ALS2CL: variants seen among roughly 807,000 people sequenced by gnomAD.
The protein encoded by ALS2CL is ALS2 C-terminal like, also known as ALS2 C-terminal-like protein.
A neutral mutation model predicts 127.9 loss-of-function variants in ALS2CL; 112 were observed. The ratio of observed to expected loss-of-function variants is 0.88; its 90% CI spans 0.75 to 1.02. The LOEUF is 1.02. Among genes scored for constraint, ALS2CL ranks in the 50% least tolerant of loss-of-function variants. ALS2CL has a pLI of 0.00. For synonymous variants in ALS2CL, 519 were observed against 527.6 expected (o/e 0.98, Z 0.22); for missense variants, 1,174 against 1,236.7 (o/e 0.95, Z 0.76).
In ALS2CL at chr3:46,675,570, G is replaced by A. The variant is rs773915586; in HGVS notation, c.2255+48C>T. 1.1e-5 allele frequency: 18 copies of A among 1,583,192 alleles called. No individual in the cohort carries two copies. In the South Asian group the frequency reaches 2.0e-4, roughly 18 times the overall value. On this transcript the variant is annotated intron_variant, in intron 20 of 25. Coordinates refer to ENST00000318962, the MANE Select transcript of ALS2CL (RefSeq NM_147129.5). Reference sequence around the variant, plus strand: ...AGGGAGGTCCTAGGAGCAGACGCATGAGGCCTCCCTGGACACGGCAGGCCC... The same window carrying A: ...AGGGAGGTCCTAGGAGCAGACGCATAAGGCCTCCCTGGACACGGCAGGCCC...
rs773186745 is a variant in ALS2CL at position 46,686,290 on chromosome 3, C to T, written c.666+18G>A. 6.3e-7 allele frequency: 1 copy of T among 1,596,786 alleles called. No homozygotes were observed. The highest frequency in any genetic ancestry group is 1.1e-5 in the South Asian group (1 of 88,556). On this transcript the variant is annotated intron_variant, in intron 6 of 25. Transcript: ENST00000318962. The surrounding 1 kb of genome is among the most constrained non-coding windows in gnomAD (Gnocchi z 4.3). ...TGTGGAACCCCCTCCCTAACTGCCC[C>T]TCAGGCCCCCAACTCACCCTCAGCC... is the stretch of plus-strand genomic sequence containing the variant.
chr3:46,684,215 A>G (rs984874988), intron 7 of ALS2CL, among the ~76,000 whole-genome samples, 168 bp from the exon 8 acceptor site: 1 of 152,030 alleles, frequency 6.6e-6, no homozygotes, highest in African/African-American at 2.4e-5. Flanking sequence ...CACCTCAGGG[A>G]CAGCTCCTCC....
rs371334301 is a variant in ALS2CL, at chr3:46,686,630, C to G, written c.535-191G>C. ...CTTCCCCAGCTTGGCCCTGGGCCCA[C>G]GTGTCCTCATTCCCAGGACGTGATT... On this transcript the variant is annotated intron_variant, in intron 5 of 25. Coordinates refer to ENST00000318962, the MANE Select transcript of ALS2CL (RefSeq NM_147129.5). This position sits in a 1 kb window ranked among gnomAD's most constrained non-coding sequence, Gnocchi z 4.3. 1.6e-4 allele frequency among the ~76,000 whole-genome samples: 24 copies of G among 152,226 alleles called. 1 individual carries two copies. The highest frequency in any genetic ancestry group is 2.5e-4 in the Non-Finnish European group (17 of 67,998).
At chr3:46,677,597 G>A (rs749093850) in intron 16 of ALS2CL, 17 of 171,546 alleles carry the variant, frequency 9.9e-5, no homozygotes, top group South Asian at 3.5e-4. Flanking sequence ...CAGGGACAGC[G>A]GGCCAAGTAG....
At chr3:46,690,679 G>C (rs901074716) in intron 1 of ALS2CL, among the ~76,000 whole-genome samples, 1 of 152,242 alleles carries the variant, frequency 6.6e-6, no homozygotes, top group African/African-American at 2.4e-5. Context: ...CCCGCAGACT[G>C]TCTCTCTCCT....
At chr3:46,682,695 C>T (rs1163102351) in intron 10 of ALS2CL, among the ~76,000 whole-genome samples, 1 of 152,164 alleles carries the variant, frequency 6.6e-6, no homozygotes. Flanking sequence ...AGACCTTGGG[C>T]AGGTTATGCC....
At chr3:46,672,257 C>T in intron 22 of ALS2CL, 56 bp from the exon 23 acceptor site, 2 of 1,601,730 alleles carry the variant, frequency 1.2e-6, no homozygotes. Context: ...CTCTGACATC[C>T]CCTCCTTCCC....
At chr3:46,684,635 A>G (rs926705479) in intron 7 of ALS2CL, among the ~76,000 whole-genome samples, 2 of 152,212 alleles carry the variant, frequency 1.3e-5, no homozygotes, top group African/African-American at 2.4e-5. Context: ...TGGGAGGCCC[A>G]GGCCTGAGGG....
rs776206798 is a variant in ALS2CL, at chr3:46,681,083, G to A, written c.1436+163C>T. The A allele has an allele frequency of 2.0e-5, 23 of 1,171,102 alleles. No individual in the cohort carries two copies. Among genetic ancestry groups the A allele is most frequent in the African/African-American group, 6.0e-5 (4 of 66,282 alleles). 72.5% of individuals were successfully genotyped at this position (1,171,102 alleles called of 1,614,324 possible). On this transcript the variant is annotated intron_variant, in intron 13 of 25. Transcript: ENST00000318962. This position sits in a 1 kb window ranked among gnomAD's most constrained non-coding sequence, Gnocchi z 4.9. Reference sequence around the variant, plus strand: ...CCTGCAGTCAGCGTGACCAAGATTCGCTCAGCCTGAGCCTCCGCAGCAACC... The same window carrying A: ...CCTGCAGTCAGCGTGACCAAGATTCACTCAGCCTGAGCCTCCGCAGCAACC...
intron 1 of ALS2CL, among the ~76,000 whole-genome samples, chr3:46,692,986 C>T (rs1386804714): frequency 3.3e-5 from 5 of 152,120 alleles, no homozygotes; most frequent in Non-Finnish European, 5.9e-5. Flanking sequence ...CATGGGCTGC[C>T]GTGGCAGCCC....
intron 16 of ALS2CL, chr3:46,677,442 G>T: frequency 1.0e-6 from 1 of 998,736 alleles, no homozygotes; most frequent in Non-Finnish European, 1.2e-6. Context: ...ACAGGCTGGG[G>T]CCTGGCTGCG....
In ALS2CL at chr3:46,683,277, C is replaced by T; in HGVS notation, c.962G>A (p.Gly321Glu). ...VTWAVHQALH[G>E]KKDFPVLGAG... is the part of the protein sequence containing the mutation. The stretch of plus-strand genomic sequence containing the variant: ...CCCCAGCACGGGGAAGTCCTTCTTC[C>T]CATGCAGGGCCTGGTGAACAGCCCA... The change falls in exon 10 of 26, where the codon GGG becomes GAG. Residue 321 changes from glycine to glutamate, a missense_variant. Coordinates refer to ENST00000318962, the MANE Select transcript of ALS2CL (RefSeq NM_147129.5). The T allele has an allele frequency of 5.0e-6, 8 of 1,605,542 alleles. No individual in the cohort carries two copies. The highest frequency in any genetic ancestry group is 6.8e-6 in the Non-Finnish European group (8 of 1,176,030).
chr3:46,682,206 C>A (rs541116010), intron 10 of ALS2CL, 112 bp from the exon 11 acceptor site: 3 of 1,137,458 alleles, frequency 2.6e-6, no homozygotes, highest in Non-Finnish European at 3.9e-6. Context: ...GGGCTCCCTG[C>A]ACCCACCCAG....
At position 46,681,673 on chromosome 3, in the gene ALS2CL, G is replaced by A; in HGVS notation, c.1176-75C>T. On this transcript the variant is annotated intron_variant, in intron 11 of 25. Transcript: ENST00000318962. This position sits in a 1 kb window ranked among gnomAD's most constrained non-coding sequence, Gnocchi z 4.9. ...ATTACACCTACTCCATGCCACCCAG[G>A]AGTATCCCTGCCCCCAAGGAGCCTT... 1 of 1,435,774 alleles carries A rather than the reference G, an allele frequency of 7.0e-7. No individual in the cohort carries two copies. The highest frequency in any genetic ancestry group is 9.7e-7 in the Non-Finnish European group (1 of 1,029,016). 88.9% of individuals were successfully genotyped at this position (1,435,774 alleles called of 1,614,324 possible). A position where few individuals can be genotyped will look rare whatever the true frequency, so the allele number is the denominator to read the frequency against.
intron 21 of ALS2CL, among the ~76,000 whole-genome samples, chr3:46,673,686 A>G (rs1398168142): frequency 6.6e-6 from 1 of 152,182 alleles, no homozygotes; most frequent in Non-Finnish European, 1.5e-5. Flanking sequence ...CAGGGCTGTG[A>G]GCAGGGGGAT....
rs369539073 is a variant in ALS2CL at position 46,674,617 on chromosome 3, T to C, written c.2378A>G (p.Asn793Ser). The change falls in exon 21 of 26, where the codon AAC becomes AGC. Residue 793 changes from asparagine to serine, a missense_variant. Coordinates refer to ENST00000318962, the MANE Select transcript of ALS2CL (RefSeq NM_147129.5). The part of the protein sequence containing the change: ...EDSFYSQGIA[N>S]LSLFPDTQLL... ...TTGGGTATCAGGAAAGAGGCTCAAG[T>C]TGGCAATGCCCTGGCTGTAGAAGCT... 1.2e-6 allele frequency: 2 copies of C among 1,614,118 alleles called. No homozygotes were observed. Among genetic ancestry groups the C allele is most frequent in the South Asian group, 1.1e-5 (1 of 91,066 alleles).
At chr3:46,674,362 G>C (rs1395360640) in intron 21 of ALS2CL, among the ~76,000 whole-genome samples, 1 of 152,170 alleles carries the variant, frequency 6.6e-6, no homozygotes, top group African/African-American at 2.4e-5. Flanking sequence ...ACCACAAGGG[G>C]GAGGCTGAGA....
rs1449393492 is a variant in ALS2CL at position 46,686,447 on chromosome 3, G to T, written c.535-8C>A. 6.2e-7 allele frequency: 1 copy of T among 1,611,078 alleles called. No individual in the cohort carries two copies. The highest frequency in any genetic ancestry group is 8.5e-7 in the Non-Finnish European group (1 of 1,178,608). ...CTCCCGGGTTGGGTGATGCTGAAGG[G>T]GGACAGGGCAGCCAGTGAGAGGAGA... On this transcript the variant is annotated splice_region_variant and splice_polypyrimidine_tract_variant and intron_variant, in intron 5 of 25. Coordinates refer to ENST00000318962, the MANE Select transcript of ALS2CL (RefSeq NM_147129.5). The surrounding 1 kb of genome is among the most constrained non-coding windows in gnomAD (Gnocchi z 4.3).
intron 1 of ALS2CL, among the ~76,000 whole-genome samples, chr3:46,690,069 C>G (rs778826502): frequency 6.6e-6 from 1 of 152,128 alleles, no homozygotes; most frequent in Non-Finnish European, 1.5e-5. Flanking sequence ...GTGGAGGAAC[C>G]CTGAGAGTAA....
Sources: gnomAD v4.1 joint callset for allele counts (sites outside exome capture counted in the v4.1 genomes callset) on GRCh38, gnomAD v4.1.1 for gene constraint, Gnocchi (gnomAD v3.1) non-coding constraint, MANE v1.5 for transcripts, NCBI Gene and HGNC (gene_info 2026-07-23, HGNC 2026-07-21) for gene names.